Variants in RIMKLB observed in about 807,000 individuals in gnomAD.
RIMKLB encodes beta-citrylglutamate synthase B.
Under a neutral mutation model 32.0 loss-of-function variants are expected in RIMKLB, and 7 were observed. The observed-to-expected ratio is 0.22, with a 90% CI of 0.12 to 0.41. RIMKLB has a LOEUF of 0.41. Among genes scored for constraint, RIMKLB ranks in the 10% least tolerant of loss-of-function variants. RIMKLB has a pLI of 1.00. For missense variants in RIMKLB, 289 were observed against 498.7 expected (o/e 0.58, Z 4.00); for synonymous variants, 172 against 185.1 (o/e 0.93, Z 0.57).
At chr12:8,719,286 A>G (rs1945196446) in intron 2 of RIMKLB, among the ~76,000 whole-genome samples, 1 of 152,112 alleles carries the variant, frequency 6.6e-6, no homozygotes, top group African/African-American at 2.4e-5. Flanking sequence ...CATATACTGT[A>G]GTTTATTTAT....
At chr12:8,781,028 T>G (rs1342995437), downstream of RIMKLB, among the ~76,000 whole-genome samples, 1 of 152,234 alleles carries the variant, frequency 6.6e-6, no homozygotes, top group East Asian at 1.9e-4. Context: ...AAATATGCAT[T>G]GTTAATCATT....
At chr12:8,703,042 T>C (rs1329773097) in intron 1 of RIMKLB, among the ~76,000 whole-genome samples, 1 of 152,172 alleles carries the variant, frequency 6.6e-6, no homozygotes, top group Non-Finnish European at 1.5e-5. Flanking sequence ...TCCCAACACT[T>C]TGTGGGGCCA....
upstream of RIMKLB, chr12:8,697,980 C>G (rs1018389572): frequency 1.3e-4 from 19 of 145,710 alleles, no homozygotes; most frequent in Non-Finnish European, 2.0e-4. Flanking sequence ...TGAGCGGGGT[C>G]GCGCGCGCGC....
Position 8,775,304 on chromosome 12 carries a change from C to A in RIMKLB, c.*1520C>A, listed in dbSNP as rs1203199948. 2 of 985,250 alleles carry A rather than the reference C, an allele frequency of 2.0e-6. No homozygotes were observed. Among genetic ancestry groups the A allele is most frequent in the Admixed American group, 1.2e-4 (2 of 16,252 alleles). 61.0% of individuals were successfully genotyped at this position (985,250 alleles called of 1,614,324 possible). A position where few individuals can be genotyped will look rare whatever the true frequency, so the allele number is the denominator to read the frequency against. On this transcript the variant is annotated 3_prime_UTR_variant, in exon 6 of 6. Transcript: ENST00000535829. The stretch of plus-strand genomic sequence containing the variant: ...CCTACTCTTAAGCCTTCAATACTGT[C>A]CACTCTTTATATTCCTTTACTTGCA...
Position 8,774,228 on chromosome 12 carries a change from T to G in RIMKLB, c.*444T>G. 2.0e-6 allele frequency: 2 copies of G among 978,292 alleles called. No homozygotes were observed. The highest frequency in any genetic ancestry group is 9.4e-5 in the South Asian group (2 of 21,318). The allele number at this position is 978,292 out of a possible 1,614,324, so 60.6% of individuals were successfully genotyped here. The stretch of plus-strand genomic sequence containing the variant: ...CATCTGCATAAATTACAGGAATTTT[T>G]GTATTATACAGCTCTGAAAATTCTG... On this transcript the variant is annotated 3_prime_UTR_variant, in exon 6 of 6. Transcript: ENST00000535829.
upstream of RIMKLB, among the ~76,000 whole-genome samples, chr12:8,677,393 C>T (rs1299267146): frequency 6.6e-6 from 1 of 152,168 alleles, no homozygotes; most frequent in East Asian, 1.9e-4. Flanking sequence ...TTATCACACA[C>T]ACCACACCCT....
At position 8,774,757 on chromosome 12, in the gene RIMKLB, C is replaced by A. The variant is rs967581601; in HGVS notation, c.*973C>A. The A allele has an allele frequency of 3.0e-6, 3 of 985,126 alleles. No individual in the cohort carries two copies. Among genetic ancestry groups the A allele is most frequent in the South Asian group, 4.7e-5 (1 of 21,276 alleles). The allele number at this position is 985,126 out of a possible 1,614,324, so 61.0% of individuals were successfully genotyped here. ...TGGTAGTTGGGCATTTAAATAAGGA[C>A]AAGGAAAAATATTTTTGGGGGCAAA... On this transcript the variant is annotated 3_prime_UTR_variant, in exon 6 of 6. Coordinates refer to ENST00000535829, the MANE Select transcript of RIMKLB (RefSeq NM_001297776.2).
At chr12:8,677,476 C>T (rs759207686), upstream of RIMKLB, among the ~76,000 whole-genome samples, 8 of 152,144 alleles carry the variant, frequency 5.3e-5, no homozygotes, top group South Asian at 2.1e-4. Context: ...TCTTTCCACA[C>T]GGCTTCAGCT....
chr12:8,689,322 G>GA (rs1942666662), intron 1 of RIMKLB, among the ~76,000 whole-genome samples: 1 of 152,238 alleles, frequency 6.6e-6, no homozygotes, highest in Non-Finnish European at 1.5e-5. Context: ...CTTTTAGACT[G>GA]AATGTGGGCT....
intron 2 of RIMKLB, among the ~76,000 whole-genome samples, chr12:8,731,289 G>A (rs1463372709): frequency 6.6e-6 from 1 of 151,092 alleles, no homozygotes; most frequent in African/African-American, 2.4e-5. Context: ...GTAGAGACAG[G>A]GTTTCGCCAC....
chr12:8,691,547 T>C (rs1942733629), intron 1 of RIMKLB, among the ~76,000 whole-genome samples: 1 of 151,926 alleles, frequency 6.6e-6, no homozygotes, highest in African/African-American at 2.4e-5. Context: ...GAGGCAAAGG[T>C]TGGAGTAGAG....
intron 5 of RIMKLB, among the ~76,000 whole-genome samples, chr12:8,762,572 G>A (rs1949620419): frequency 6.6e-6 from 1 of 152,064 alleles, no homozygotes; most frequent in Admixed American, 6.5e-5. Context: ...ATGGCTTCCT[G>A]ATGTTTGATA....
chr12:8,697,910 C>G (rs906919044), upstream of RIMKLB: 1 of 148,272 alleles, frequency 6.7e-6, no homozygotes, highest in African/African-American at 2.4e-5. Context: ...AGCAAGCGGG[C>G]GGGCGGCGTT....
intron 2 of RIMKLB, among the ~76,000 whole-genome samples, chr12:8,725,873 G>C (rs749555988): frequency 6.6e-6 from 1 of 151,842 alleles, no homozygotes; most frequent in Non-Finnish European, 1.5e-5. Flanking sequence ...TTTGAGACAA[G>C]GTCTCACTGT....
intron 2 of RIMKLB, among the ~76,000 whole-genome samples, chr12:8,741,076 G>T (rs773368263): frequency 6.6e-6 from 1 of 152,260 alleles, no homozygotes; most frequent in African/African-American, 2.4e-5. Flanking sequence ...GTGTGGTAGT[G>T]TGTGCTGTAG....
chr12:8,704,971 AAC>A (rs3076182), intron 1 of RIMKLB, among the ~76,000 whole-genome samples: 1,661 of 146,078 alleles, frequency 0.011, 20 homozygotes, highest in African/African-American at 0.035. Context: ...TCACCTCTAA[AAC>A]ACACACACAC....
At chr12:8,692,765 T>C (rs1942768816), upstream of RIMKLB, among the ~76,000 whole-genome samples, 1 of 152,146 alleles carries the variant, frequency 6.6e-6, no homozygotes, top group African/African-American at 2.4e-5. Context: ...GCTAGATCAG[T>C]GTTTAGCTAT....
chr12:8,777,215 C>CTT (rs35828763), downstream of RIMKLB: 145,669 of 690,434 alleles, frequency 0.21, 3,829 homozygotes, highest in Non-Finnish European at 0.22. Context: ...TGCTTGCTTT[C>CTT]TTTTTTTTTT....
upstream of RIMKLB, among the ~76,000 whole-genome samples, chr12:8,681,432 T>A (rs954854380): frequency 2.0e-5 from 3 of 152,350 alleles, no homozygotes; most frequent in Middle Eastern, 3.4e-3. Context: ...TCCTGAGTGA[T>A]AAGAGTGTCT....
Sources: allele counts gnomAD v4.1 joint callset (sites outside exome capture counted in the v4.1 genomes callset), GRCh38; gene constraint gnomAD v4.1.1; transcripts MANE v1.5; gene names NCBI Gene and HGNC (gene_info 2026-07-23, HGNC 2026-07-21).